The following ARHGEF7 variants were observed in gnomAD, a reference collection of about 807,000 sequenced individuals.
ARHGEF7 encodes PAK-interacting exchange factor beta.
ARHGEF7 carries 33 observed loss-of-function variants against 109.8 expected under a neutral mutation model. The observed-to-expected ratio is 0.30, with a 90% CI of 0.23 to 0.40. ARHGEF7 has a LOEUF of 0.40. ARHGEF7 is among the 10% of genes least tolerant of loss of function. The probability of loss-of-function intolerance (pLI) is 1.00; values close to 1 mark genes in which losing one functional copy is unlikely to be tolerated. For missense variants in ARHGEF7, 938 were observed against 1,098.5 expected (o/e 0.85, Z 2.07); for synonymous variants, 458 against 424.6 (o/e 1.08, Z -0.97).
chr13:111,130,625 C>T (rs569833437), intron 1 of ARHGEF7, among the ~76,000 whole-genome samples: 162 of 152,310 alleles, frequency 1.1e-3, no homozygotes, highest in African/African-American at 3.8e-3. Context: ...CTGGAGATTT[C>T]GCAGAAATAG....
intron 5 of ARHGEF7, among the ~76,000 whole-genome samples, chr13:111,218,700 G>C (rs966376802): frequency 6.6e-6 from 1 of 152,182 alleles, no homozygotes; most frequent in African/African-American, 2.4e-5. Context: ...CAGAGCCACA[G>C]GTGTTTCATA....
intron 1 of ARHGEF7, among the ~76,000 whole-genome samples, chr13:111,127,648 GAAAAAAAAAAAA>G (rs71206956): frequency 1.0e-4 from 4 of 40,044 alleles, no homozygotes; most frequent in African/African-American, 1.8e-4. Context: ...CTCTGTTTCA[GAAAAAAAAAAAA>G]AAAAAAAAAA....
intron 1 of ARHGEF7, among the ~76,000 whole-genome samples, chr13:111,151,461 T>C (rs1190793742): frequency 6.6e-6 from 1 of 152,250 alleles, no homozygotes; most frequent in Non-Finnish European, 1.5e-5. Flanking sequence ...ACAACAATAC[T>C]GCTCACTACA....
chr13:111,267,475 A>G lies in ARHGEF7; in HGVS notation c.951-73A>G, dbSNP rs755931489. 5.2e-5 allele frequency: 82 copies of G among 1,584,518 alleles called. No individual in the cohort carries two copies. In the Middle Eastern group the frequency reaches 6.7e-4, roughly 13 times the overall value. ...GGAGGTTTTCCTTACTCAGAGTATT[A>G]TATGTCTGTCAGTTAGCAGTTGTCC... On this transcript the variant is annotated intron_variant, in intron 8 of 21. Coordinates refer to ENST00000646102, the MANE Select transcript of ARHGEF7 (RefSeq NM_001354046.2).
At chr13:111,211,379 C>A (rs1237906289) in intron 4 of ARHGEF7, among the ~76,000 whole-genome samples, 1 of 152,100 alleles carries the variant, frequency 6.6e-6, no homozygotes, top group Non-Finnish European at 1.5e-5. Context: ...CACCCGTTCA[C>A]TGGTGGCAAT....
At chr13:111,153,684 G>A (rs2076045688) in intron 1 of ARHGEF7, 4 of 1,268,588 alleles carry the variant, frequency 3.2e-6, no homozygotes, top group Non-Finnish European at 4.0e-6. Flanking sequence ...GTGCGGGAAG[G>A]GGCAGAGATT....
chr13:111,217,893 G>A lies in ARHGEF7; in HGVS notation c.670+13G>A, dbSNP rs756293293. On this transcript the variant is annotated intron_variant, in intron 5 of 21. Transcript: ENST00000646102. ...GTCAAGGCCAGCGGTAAGTGGCCGA[G>A]CCTGGGCTGTGTGTGGCTTTTTGCG... The A allele has an allele frequency of 2.5e-6, 4 of 1,597,734 alleles. No individual in the cohort carries two copies. The highest frequency in any genetic ancestry group is 3.4e-6 in the Non-Finnish European group (4 of 1,169,182).
At position 111,209,876 on chromosome 13, in the gene ARHGEF7, C is replaced by A. The variant is rs538515190; in HGVS notation, c.342C>A (p.Ile114=). Residue 114 remains isoleucine, a synonymous_variant, in exon 4 of 22, where the codon ATC becomes ATA. Coordinates refer to ENST00000646102, the MANE Select transcript of ARHGEF7 (RefSeq NM_001354046.2). The part of the protein sequence containing the change: ...LVTLNKVTAD[I]GLGSDSVCAR... ...CTGTGTGCATGCTCTTTGCAGACAT[C>A]GGGCTGGGGAGTGACTCCGTGTGTG... 1 of 1,614,016 alleles carries A rather than the reference C, an allele frequency of 6.2e-7. No homozygotes were observed. Among genetic ancestry groups the A allele is most frequent in the Non-Finnish European group, 8.5e-7 (1 of 1,179,926 alleles).
intron 2 of ARHGEF7, among the ~76,000 whole-genome samples, chr13:111,183,257 A>G (rs1266053403): frequency 6.6e-6 from 1 of 152,152 alleles, no homozygotes; most frequent in Admixed American, 6.5e-5. Context: ...ATACATATGC[A>G]GTGGACATGT....
intron 5 of ARHGEF7, among the ~76,000 whole-genome samples, chr13:111,232,269 G>A (rs1228246440): frequency 1.3e-5 from 2 of 151,898 alleles, no homozygotes; most frequent in African/African-American, 4.8e-5. Flanking sequence ...AGTGATGGAC[G>A]CCATACACTG....
rs546031805 is a variant in ARHGEF7, at chr13:111,235,520, A to G, written c.759+2227A>G. On this transcript the variant is annotated intron_variant, in intron 6 of 21. Coordinates refer to ENST00000646102, the MANE Select transcript of ARHGEF7 (RefSeq NM_001354046.2). ...CAAAATCACATCTAAATTGTTTTCTATATAAAGCTGCATTTATAAATAGCA... is the reference window on the plus strand; with the variant it reads ...CAAAATCACATCTAAATTGTTTTCTGTATAAAGCTGCATTTATAAATAGCA... 2.0e-5 allele frequency among the ~76,000 whole-genome samples: 3 copies of G among 152,368 alleles called. No homozygotes were observed. The East Asian group carries it at 5.8e-4, about 29-fold the overall frequency.
At chr13:111,294,917 T>G in intron 19 of ARHGEF7, 1 of 985,886 alleles carries the variant, frequency 1.0e-6, no homozygotes, top group Non-Finnish European at 1.2e-6. Context: ...ATATTAATTG[T>G]GTTTTGCATA....
chr13:111,210,147 C>A, intron 4 of ARHGEF7, 145 bp downstream of exon 4: 1 of 1,070,956 alleles, frequency 9.3e-7, no homozygotes, highest in Non-Finnish European at 1.3e-6. Flanking sequence ...TGCCTGTAAT[C>A]TGGTTTGGCA....
At chr13:111,152,910 T>C (rs1321575745) in intron 1 of ARHGEF7, among the ~76,000 whole-genome samples, 4 of 152,252 alleles carry the variant, frequency 2.6e-5, no homozygotes, top group Non-Finnish European at 5.9e-5. Context: ...ACCTTACATG[T>C]GTTGCTGGTG....
chr13:111,189,457 G>A (rs1420240164), intron 2 of ARHGEF7, among the ~76,000 whole-genome samples: 1 of 152,190 alleles, frequency 6.6e-6, no homozygotes, highest in Non-Finnish European at 1.5e-5. Context: ...ATCCGGAGTT[G>A]ATTCTTCCTC....
At chr13:111,136,057 G>A (rs2075068581) in intron 1 of ARHGEF7, among the ~76,000 whole-genome samples, 1 of 152,144 alleles carries the variant, frequency 6.6e-6, no homozygotes, top group African/African-American at 2.4e-5. Context: ...AAATAATCAT[G>A]TGGTTTTTGT....
chr13:111,199,157 G>T (rs1036518846), intron 2 of ARHGEF7, among the ~76,000 whole-genome samples: 2 of 152,166 alleles, frequency 1.3e-5, no homozygotes, highest in African/African-American at 4.8e-5. Context: ...GCCTGCCCCT[G>T]CCTGTAGGAA....
rs970963169 is a variant in ARHGEF7, at chr13:111,272,899, C to T, written c.1074-915C>T. Among the ~76,000 whole-genome samples the T allele has an allele frequency of 3.3e-5, 5 of 152,048 alleles. No individual in the cohort carries two copies. The highest frequency in any genetic ancestry group is 7.4e-5 in the Non-Finnish European group (5 of 68,002). Reference sequence around the variant, plus strand: ...ACAAACGTGTGGGTGAAGAGCTGGACCCCCCACAGAAGCCTGCCCGTGTCC... The same window carrying T: ...ACAAACGTGTGGGTGAAGAGCTGGATCCCCCACAGAAGCCTGCCCGTGTCC... On this transcript the variant is annotated intron_variant, in intron 9 of 21. Transcript: ENST00000646102. This position sits in a 1 kb window ranked among gnomAD's most constrained non-coding sequence, Gnocchi z 5.2.
At chr13:111,147,783 C>T (rs1262713122) in intron 1 of ARHGEF7, among the ~76,000 whole-genome samples, 4 of 149,182 alleles carry the variant, frequency 2.7e-5, no homozygotes, top group African/African-American at 4.9e-5. Flanking sequence ...CTGCAAGCTC[C>T]GCCTCCCGGG....
Sources: allele counts gnomAD v4.1 joint callset (sites outside exome capture counted in the v4.1 genomes callset), GRCh38; gene constraint gnomAD v4.1.1; non-coding constraint Gnocchi (gnomAD v3.1); transcripts MANE v1.5; gene names NCBI Gene and HGNC (gene_info 2026-07-23, HGNC 2026-07-21).